The following GAB2 variants were observed in gnomAD, a reference collection of about 807,000 sequenced individuals.
The protein encoded by GAB2 is GRB2-associated-binding protein 2.
In GAB2, 26 loss-of-function variants were observed where a neutral mutation model predicts 65.5. The observed-to-expected ratio is 0.40, with a 90% CI of 0.29 to 0.55. The LOEUF is 0.55. GAB2 is among the 20% of genes least tolerant of loss of function. GAB2 has a pLI of 0.53. For synonymous variants in GAB2, 321 were observed against 329.6 expected (o/e 0.97, Z 0.28); for missense variants, 884 against 875.8 (o/e 1.01, Z -0.12).
intron 1 of GAB2, among the ~76,000 whole-genome samples, chr11:78,412,118 A>T (rs7934545): frequency 3.8e-4 from 58 of 151,380 alleles, no homozygotes; most frequent in African/African-American, 1.4e-3. Context: ...AGCCTGGGTA[A>T]CAAGAGCAAA....
At chr11:78,379,742 G>A (rs1370111078) in intron 1 of GAB2, among the ~76,000 whole-genome samples, 2 of 152,188 alleles carry the variant, frequency 1.3e-5, no homozygotes, top group Non-Finnish European at 2.9e-5. Flanking sequence ...CTGTCATTGT[G>A]ACTGAACAAA....
chr11:78,355,134 C>T (rs183533280), intron 1 of GAB2, among the ~76,000 whole-genome samples: 14 of 152,290 alleles, frequency 9.2e-5, no homozygotes, highest in East Asian at 3.9e-4. Context: ...AGATCCTCCA[C>T]GGGAATAGGG....
chr11:78,340,417 C>T (rs1349072380), intron 1 of GAB2, among the ~76,000 whole-genome samples: 1 of 152,152 alleles, frequency 6.6e-6, no homozygotes, highest in Non-Finnish European at 1.5e-5. Context: ...ACTGTGCATA[C>T]ACCCTCTCAT....
chr11:78,392,595 G>A (rs1856848161), intron 1 of GAB2, among the ~76,000 whole-genome samples: 1 of 152,186 alleles, frequency 6.6e-6, no homozygotes, highest in South Asian at 2.1e-4. Context: ...TGAGGAGGCA[G>A]GGGAGAGAGA....
At chr11:78,396,596 G>A (rs939465054) in intron 1 of GAB2, among the ~76,000 whole-genome samples, 1 of 152,006 alleles carries the variant, frequency 6.6e-6, no homozygotes, top group Admixed American at 6.6e-5. Context: ...TTTGTGATGC[G>A]GAAATATTTT....
At chr11:78,307,088 C>A in intron 1 of GAB2, among the ~76,000 whole-genome samples, 1 of 152,068 alleles carries the variant, frequency 6.6e-6, no homozygotes, top group East Asian at 1.9e-4. Flanking sequence ...TCAATAAAAC[C>A]AAGCATTCTA....
chr11:78,358,246 G>C (rs1349858318), intron 1 of GAB2, among the ~76,000 whole-genome samples: 1 of 142,932 alleles, frequency 7.0e-6, no homozygotes, highest in Non-Finnish European at 1.5e-5. Context: ...ATTGAACAAT[G>C]AGAACACTTG....
intron 3 of GAB2, among the ~76,000 whole-genome samples, chr11:78,234,942 G>A (rs192590634): frequency 1.3e-5 from 2 of 151,922 alleles, no homozygotes; most frequent in African/African-American, 2.4e-5. Context: ...CCCAGGAGGC[G>A]AAGGTTGCAA....
At chr11:78,295,862 G>A (rs1866809445) in intron 1 of GAB2, among the ~76,000 whole-genome samples, 1 of 152,134 alleles carries the variant, frequency 6.6e-6, no homozygotes, top group African/African-American at 2.4e-5. Flanking sequence ...TGTTATTTCT[G>A]GTAGTTATGG....
At chr11:78,230,601 G>C (rs1864813673) in intron 3 of GAB2, among the ~76,000 whole-genome samples, 1 of 152,210 alleles carries the variant, frequency 6.6e-6, no homozygotes, top group South Asian at 2.1e-4. Context: ...TGTGCTCCTA[G>C]AAGGCAGAGG....
At chr11:78,310,934 T>C (rs1707007541) in intron 1 of GAB2, among the ~76,000 whole-genome samples, 2 of 152,214 alleles carry the variant, frequency 1.3e-5, no homozygotes. Context: ...GTTTGATTTG[T>C]CTCCTTACTA....
intron 1 of GAB2, among the ~76,000 whole-genome samples, chr11:78,296,152 A>G (rs762261797): frequency 2.6e-5 from 4 of 152,100 alleles, no homozygotes; most frequent in African/African-American, 7.2e-5. Context: ...TGGGAGGTGG[A>G]GCTTAGACAG....
chr11:78,255,179 T>A (rs535053522), intron 2 of GAB2, among the ~76,000 whole-genome samples: 1 of 152,190 alleles, frequency 6.6e-6, no homozygotes, highest in Non-Finnish European at 1.5e-5. Flanking sequence ...ATCGAAATGA[T>A]GTATCTACTA....
intron 5 of GAB2, among the ~76,000 whole-genome samples, chr11:78,224,864 C>G (rs1342390318): frequency 6.6e-6 from 1 of 152,070 alleles, no homozygotes; most frequent in South Asian, 2.1e-4. Flanking sequence ...CCTCTGCTTA[C>G]CTACAAGGTT....
chr11:78,229,727 T>C (rs965140753), intron 3 of GAB2, among the ~76,000 whole-genome samples: 2 of 152,224 alleles, frequency 1.3e-5, no homozygotes, highest in Admixed American at 6.5e-5. Context: ...CACCAATCTT[T>C]TCTCTTTAGT....
intron 1 of GAB2, among the ~76,000 whole-genome samples, chr11:78,410,675 G>A (rs1857116164): frequency 6.6e-6 from 1 of 152,162 alleles, no homozygotes; most frequent in African/African-American, 2.4e-5. Flanking sequence ...CCAATTTGTT[G>A]AAAAATGTAA....
At chr11:78,317,558 C>CAAAA (rs370515492) in intron 1 of GAB2, among the ~76,000 whole-genome samples, 11,552 of 60,652 alleles carry the variant, frequency 0.19, 1,283 homozygotes, top group East Asian at 0.35. Context: ...GACTCCGTCT[C>CAAAA]AAAAAAAAAA....
At chr11:78,358,237 T>C (rs11237467) in intron 1 of GAB2, among the ~76,000 whole-genome samples, 9,843 of 136,042 alleles carry the variant, frequency 0.072, 715 homozygotes, top group East Asian at 0.36. Flanking sequence ...TAGGTGGGAA[T>C]TGAACAATGA....
chr11:78,306,696 C>T (rs868460224), intron 1 of GAB2, among the ~76,000 whole-genome samples: 4 of 152,166 alleles, frequency 2.6e-5, no homozygotes, highest in Non-Finnish European at 5.9e-5. Flanking sequence ...TGTTTGCAAG[C>T]GTCTTGAAGG....
Sources: allele counts gnomAD v4.1 joint callset (sites outside exome capture counted in the v4.1 genomes callset), GRCh38; gene constraint gnomAD v4.1.1; transcripts MANE v1.5; gene names NCBI Gene and HGNC (gene_info 2026-07-23, HGNC 2026-07-21).